Variants in UBE2N observed in about 807,000 individuals in gnomAD.
UBE2N encodes ubiquitin-conjugating enzyme E2 N.
For synonymous variants in UBE2N, 70 were observed against 69.2 expected (o/e 1.01, Z -0.06); for missense variants, 60 against 192.1 (o/e 0.31, Z 4.07).
intron 1 of UBE2N, among the ~76,000 whole-genome samples, chr12:93,433,722 G>C (rs776708906): frequency 1.1e-4 from 16 of 152,192 alleles, no homozygotes; most frequent in African/African-American, 3.1e-4. Flanking sequence ...AAAAGCCCCT[G>C]CTGGATGCTG....
chr12:93,408,219 CA>C lies in UBE2N; in HGVS notation c.*1819del, dbSNP rs1470273668. The stretch of plus-strand genomic sequence containing the variant: ...AGTCAAATGTACCCTTTAAACAGCC[CA>C]AGAATTGTTATAAATGACAGCTGCT... On this transcript the variant is annotated 3_prime_UTR_variant, in exon 4 of 4. Transcript: ENST00000318066. 1.3e-5 allele frequency: 2 copies of C among 152,066 alleles called. No homozygotes were observed. The highest frequency in any genetic ancestry group is 1.3e-4 in the Admixed American group (2 of 15,268). The allele number at this position is 152,066 out of a possible 1,614,324, so 9.4% of individuals were successfully genotyped here. A position where few individuals can be genotyped will look rare whatever the true frequency, so the allele number is the denominator to read the frequency against.
In UBE2N at chr12:93,409,696, T is replaced by C. The variant is rs993552151; in HGVS notation, c.*343A>G. The stretch of plus-strand genomic sequence containing the variant: ...AAAAATAAAATAAAATAAAATAAAA[T>C]AAAAACACCCACACCCCTGCAGCTA... On this transcript the variant is annotated 3_prime_UTR_variant, in exon 4 of 4. Transcript: ENST00000318066. 2 of 194,530 alleles carry C rather than the reference T, an allele frequency of 1.0e-5. No homozygotes were observed. Among genetic ancestry groups the C allele is most frequent in the Non-Finnish European group, 2.3e-5 (2 of 86,924 alleles). The allele number at this position is 194,530 out of a possible 1,614,324, so 12.1% of individuals were successfully genotyped here. A position where few individuals can be genotyped will look rare whatever the true frequency, so the allele number is the denominator to read the frequency against.
Position 93,408,902 on chromosome 12 carries a change from A to G in UBE2N, c.*1137T>C, listed in dbSNP as rs1565790761. The G allele has an allele frequency of 6.6e-6, 1 of 152,660 alleles. No homozygotes were observed. Among genetic ancestry groups the G allele is most frequent in the Non-Finnish European group, 1.5e-5 (1 of 68,030 alleles). The allele number at this position is 152,660 out of a possible 1,614,324, so 9.5% of individuals were successfully genotyped here. A position where few individuals can be genotyped will look rare whatever the true frequency, so the allele number is the denominator to read the frequency against. On this transcript the variant is annotated 3_prime_UTR_variant, in exon 4 of 4. Coordinates refer to ENST00000318066, the MANE Select transcript of UBE2N (RefSeq NM_003348.4). ...TTTCTTAACACACATGAAAGGTTAC[A>G]GATGAAATTTTCAGATAAGAACCAA... is the stretch of plus-strand genomic sequence containing the variant.
rs896577894 is a variant in UBE2N, at chr12:93,409,203, G to A, written c.*836C>T. ...ACTATCTTAACACAAATCTGCATCA[G>A]TGAAAAGAAACTGGCAAAATCCACC... On this transcript the variant is annotated 3_prime_UTR_variant, in exon 4 of 4. Transcript: ENST00000318066. 5 of 152,626 alleles carry A rather than the reference G, an allele frequency of 3.3e-5. No individual in the cohort carries two copies. Among genetic ancestry groups the A allele is most frequent in the Admixed American group, 6.5e-5 (1 of 15,282 alleles). 9.5% of individuals were successfully genotyped at this position (152,626 alleles called of 1,614,324 possible).
chr12:93,415,057 A>G (rs1203240284), intron 1 of UBE2N, among the ~76,000 whole-genome samples: 1 of 152,262 alleles, frequency 6.6e-6, no homozygotes, highest in African/African-American at 2.4e-5. Flanking sequence ...GGATGTGCAC[A>G]TTATGGAAGG....
chr12:93,424,965 G>A (rs898161306), intron 1 of UBE2N, among the ~76,000 whole-genome samples: 1 of 152,112 alleles, frequency 6.6e-6, no homozygotes, highest in Non-Finnish European at 1.5e-5. Context: ...TTTCGTTTAT[G>A]AAACGAACAA....
chr12:93,431,323 A>C (rs1189874860), intron 1 of UBE2N, among the ~76,000 whole-genome samples: 1 of 152,214 alleles, frequency 6.6e-6, no homozygotes, highest in African/African-American at 2.4e-5. Flanking sequence ...TTTCCACTTC[A>C]TGTGTCCAAA....
chr12:93,428,729 C>T (rs144766066), intron 1 of UBE2N, among the ~76,000 whole-genome samples: 29 of 152,282 alleles, frequency 1.9e-4, no homozygotes, highest in African/African-American at 7.0e-4. Flanking sequence ...AATGTATAAC[C>T]ATGAACTAAG....
chr12:93,415,975 C>T (rs1469774962), intron 1 of UBE2N, among the ~76,000 whole-genome samples: 1 of 152,186 alleles, frequency 6.6e-6, no homozygotes, highest in Non-Finnish European at 1.5e-5. Flanking sequence ...AAAGAATGTA[C>T]ATATTAAGCA....
chr12:93,416,552 A>G (rs1433767821), intron 1 of UBE2N, among the ~76,000 whole-genome samples: 1 of 151,476 alleles, frequency 6.6e-6, no homozygotes, highest in African/African-American at 2.4e-5. Context: ...GGTCCAAGTG[A>G]GCACCTGGCT....
Position 93,434,162 on chromosome 12 carries a change from C to T in UBE2N, c.30+7693G>A, listed in dbSNP as rs570695235. Among the ~76,000 whole-genome samples, 3 of 152,266 alleles carry T rather than the reference C, an allele frequency of 2.0e-5. No homozygotes were observed. The East Asian group carries it at 5.8e-4, about 29-fold the overall frequency. ...AAAAAATTAGCTGGGTGTGGTGGCG[C>T]GTGCCTGTAATTCCAGCTACTCGGG... On this transcript the variant is annotated intron_variant, in intron 1 of 3. Transcript: ENST00000318066.
rs766540981 is a variant in UBE2N, at chr12:93,424,785, C to T, written c.31-13486G>A. ...CCTAACCCATGGAAAATGGATTACA[C>T]ATATGATAATTTTAATGAAATCAAA... On this transcript the variant is annotated intron_variant, in intron 1 of 3. Coordinates refer to ENST00000318066, the MANE Select transcript of UBE2N (RefSeq NM_003348.4). Among the ~76,000 whole-genome samples the T allele has an allele frequency of 3.9e-5, 6 of 152,336 alleles. No homozygotes were observed. The South Asian group carries it at 1.2e-3, about 32-fold the overall frequency.
intron 1 of UBE2N, among the ~76,000 whole-genome samples, chr12:93,438,420 T>C (rs1273221043): frequency 2.0e-5 from 3 of 152,090 alleles, no homozygotes; most frequent in Non-Finnish European, 4.4e-5. Context: ...TGCAACAAAC[T>C]GGAGGAAAGT....
At chr12:93,416,348 C>T (rs942012940) in intron 1 of UBE2N, among the ~76,000 whole-genome samples, 1 of 152,134 alleles carries the variant, frequency 6.6e-6, no homozygotes, top group Non-Finnish European at 1.5e-5. Context: ...AACTAAAATA[C>T]CTTCTGGTTT....
intron 1 of UBE2N, among the ~76,000 whole-genome samples, chr12:93,438,861 G>A (rs770090722): frequency 6.6e-6 from 1 of 152,150 alleles, no homozygotes; most frequent in Non-Finnish European, 1.5e-5. Flanking sequence ...TAGTAGTCCA[G>A]AAAATCATCT....
intron 1 of UBE2N, among the ~76,000 whole-genome samples, chr12:93,414,620 G>T (rs1486952754): frequency 1.3e-5 from 2 of 151,844 alleles, no homozygotes; most frequent in Non-Finnish European, 2.9e-5. Context: ...GTTCTTCAAC[G>T]TGCCAGGCAT....
At chr12:93,440,041 G>T (rs190742482) in intron 1 of UBE2N, among the ~76,000 whole-genome samples, 114 of 152,134 alleles carry the variant, frequency 7.5e-4, no homozygotes, top group East Asian at 1.9e-4. Context: ...TTCATCCAAG[G>T]CTTTCATATT....
At chr12:93,431,313 T>A (rs940334305) in intron 1 of UBE2N, among the ~76,000 whole-genome samples, 1 of 152,220 alleles carries the variant, frequency 6.6e-6, no homozygotes, top group Non-Finnish European at 1.5e-5. Flanking sequence ...CTTAAACATG[T>A]TTCCACTTCA....
At chr12:93,427,476 T>C (rs1264279016) in intron 1 of UBE2N, among the ~76,000 whole-genome samples, 1 of 152,232 alleles carries the variant, frequency 6.6e-6, no homozygotes, top group Non-Finnish European at 1.5e-5. Context: ...CTTGAAAACA[T>C]GCTAAATGAA....
Sources: allele counts gnomAD v4.1 joint callset (sites outside exome capture counted in the v4.1 genomes callset), GRCh38; gene constraint gnomAD v4.1.1; transcripts MANE v1.5; gene names NCBI Gene and HGNC (gene_info 2026-07-23, HGNC 2026-07-21).